Variants in EXOC6B observed in about 807,000 individuals in gnomAD.
The protein encoded by EXOC6B is exocyst complex component 6B.
Under a neutral mutation model 113.5 loss-of-function variants are expected in EXOC6B, and 54 were observed. That is an observed-to-expected ratio of 0.48 (90% CI 0.38 to 0.60). The LOEUF is 0.60. EXOC6B is among the 20% of genes least tolerant of loss of function. EXOC6B has a pLI of 0.00. For missense variants in EXOC6B, 797 were observed against 977.5 expected, an observed-to-expected ratio of 0.82 and a Z score of 2.46; for synonymous variants, 357 against 339.0, an observed-to-expected ratio of 1.05 and a Z score of -0.58.
intron 6 of EXOC6B, among the ~76,000 whole-genome samples, chr2:72,635,367 A>G (rs1347528415): frequency 6.6e-6 from 1 of 152,200 alleles, no homozygotes; most frequent in Non-Finnish European, 1.5e-5. Context: ...GAATGAAACA[A>G]TGGCTATCAC....
At chr2:72,500,481 T>C (rs564323263) in intron 11 of EXOC6B, among the ~76,000 whole-genome samples, 1 of 150,838 alleles carries the variant, frequency 6.6e-6, no homozygotes, top group Non-Finnish European at 1.5e-5. Flanking sequence ...CAGAACCTAA[T>C]GAAATTAAAA....
At chr2:72,622,153 G>T (rs547187716) in intron 6 of EXOC6B, among the ~76,000 whole-genome samples, 9 of 150,132 alleles carry the variant, frequency 6.0e-5, no homozygotes, top group African/African-American at 2.2e-4. Context: ...AATGGGAAAA[G>T]ATTATTTTCA....
chr2:72,232,796 G>C (rs13403438), intron 20 of EXOC6B, among the ~76,000 whole-genome samples: 26,306 of 152,160 alleles, frequency 0.17, 2,478 homozygotes, highest in Non-Finnish European at 0.21. Context: ...ACCCGGGCCA[G>C]GCGCAGTGGC....
chr2:72,815,500 A>G (rs937694428), intron 1 of EXOC6B, among the ~76,000 whole-genome samples: 17 of 152,034 alleles, frequency 1.1e-4, no homozygotes, highest in Non-Finnish European at 2.1e-4. Context: ...TCAAAAAAAA[A>G]AAAAAGAAAA....
In EXOC6B at chr2:72,401,582, C is replaced by CACATAT. The variant is rs1553397955; in HGVS notation, c.1981-21713_1981-21712insATATGT. Among the ~76,000 whole-genome samples, 27 of 18,430 alleles carry CACATAT rather than the reference C, an allele frequency of 1.5e-3. 3 individuals are homozygous for CACATAT. Among genetic ancestry groups the CACATAT allele is most frequent in the Admixed American group, 1.8e-3 (2 of 1,134 alleles). 12.1% of individuals were successfully genotyped at this position (18,430 alleles called of 152,430 possible). A position where few individuals can be genotyped will look rare whatever the true frequency, so the allele number is the denominator to read the frequency against. Reference sequence around the variant, plus strand: ...ATATATATACATATATATATATATACATATATATATATATATATATGTGTA... The same window carrying CACATAT: ...ATATATATACATATATATATATATACACATATATATATATATATATATATATGTGTA... On this transcript the variant is annotated intron_variant, in intron 18 of 21. Coordinates refer to ENST00000272427, the MANE Select transcript of EXOC6B (RefSeq NM_015189.3).
intron 16 of EXOC6B, among the ~76,000 whole-genome samples, chr2:72,488,264 T>C (rs1256769176): frequency 6.6e-6 from 1 of 152,106 alleles, no homozygotes; most frequent in Non-Finnish European, 1.5e-5. Flanking sequence ...CCCAATCTCC[T>C]TTCATGGTTC....
intron 8 of EXOC6B, among the ~76,000 whole-genome samples, chr2:72,543,887 G>A (rs1187921984): frequency 5.9e-5 from 9 of 152,098 alleles, no homozygotes; most frequent in Non-Finnish European, 8.8e-5. Flanking sequence ...TGTCAGAGAC[G>A]GACTAGGAGT....
intron 6 of EXOC6B, among the ~76,000 whole-genome samples, chr2:72,651,560 T>C (rs1339044516): frequency 6.6e-6 from 1 of 152,198 alleles, no homozygotes; most frequent in Non-Finnish European, 1.5e-5. Flanking sequence ...AAAACTGCAA[T>C]TACTTTCACA....
At chr2:72,538,585 G>A (rs1450371566) in intron 8 of EXOC6B, among the ~76,000 whole-genome samples, 1 of 152,010 alleles carries the variant, frequency 6.6e-6, no homozygotes, top group Non-Finnish European at 1.5e-5. Context: ...TATTCATGCT[G>A]CAAGTAATCA....
At chr2:72,692,729 C>A (rs143255001) in intron 6 of EXOC6B, among the ~76,000 whole-genome samples, 39 of 152,312 alleles carry the variant, frequency 2.6e-4, no homozygotes, top group African/African-American at 8.7e-4. Context: ...CCATTTGAAA[C>A]TCTAAGATGG....
intron 2 of EXOC6B, among the ~76,000 whole-genome samples, chr2:72,733,463 A>G (rs1256875794): frequency 6.6e-6 from 1 of 152,182 alleles, no homozygotes; most frequent in African/African-American, 2.4e-5. Flanking sequence ...TTATACAGAT[A>G]TTCCTCATTT....
intron 20 of EXOC6B, among the ~76,000 whole-genome samples, chr2:72,290,885 ATGAAATGTATTTAAT>A (rs1685741864): frequency 6.6e-6 from 1 of 152,124 alleles, no homozygotes. Context: ...ATGGGAAAAG[ATGAAATGTATTTAAT>A]TGAAATGTAT....
chr2:72,800,303 T>C (rs1404120747), intron 1 of EXOC6B, among the ~76,000 whole-genome samples: 3 of 152,156 alleles, frequency 2.0e-5, no homozygotes, highest in Non-Finnish European at 4.4e-5. Context: ...ATAAGCACTA[T>C]TCTTATCACC....
At chr2:72,211,204 TG>T (rs1413776912) in intron 20 of EXOC6B, among the ~76,000 whole-genome samples, 1 of 152,228 alleles carries the variant, frequency 6.6e-6, no homozygotes, top group Admixed American at 6.5e-5. Flanking sequence ...AGTGACGTAC[TG>T]ACAGGTGATC....
chr2:72,799,154 C>T (rs753357358), intron 1 of EXOC6B, among the ~76,000 whole-genome samples: 3 of 146,342 alleles, frequency 2.0e-5, no homozygotes, highest in Non-Finnish European at 4.5e-5. Context: ...GCAGGAGAAT[C>T]GCTTGTGCCC....
intron 20 of EXOC6B, among the ~76,000 whole-genome samples, chr2:72,209,223 C>CA (rs1170760516): frequency 0.016 from 904 of 56,944 alleles, 15 homozygotes; most frequent in South Asian, 0.035. Context: ...AACTCAGTCT[C>CA]AAAAAAAAAA....
intron 20 of EXOC6B, among the ~76,000 whole-genome samples, chr2:72,319,828 A>C (rs560474125): frequency 6.6e-5 from 10 of 151,462 alleles, no homozygotes; most frequent in Non-Finnish European, 1.2e-4. Context: ...ATCCTAATGA[A>C]AATATCAGCA....
At chr2:72,807,349 C>A (rs181690424) in intron 1 of EXOC6B, among the ~76,000 whole-genome samples, 1 of 152,238 alleles carries the variant, frequency 6.6e-6, no homozygotes, top group East Asian at 1.9e-4. Context: ...GACTTTATTT[C>A]TTGGCTCTCT....
At chr2:72,807,892 C>A (rs1685667467) in intron 1 of EXOC6B, among the ~76,000 whole-genome samples, 1 of 151,580 alleles carries the variant, frequency 6.6e-6, no homozygotes, top group Non-Finnish European at 1.5e-5. Context: ...TTTAATAGCA[C>A]AACAGGATGA....
Sources: allele counts gnomAD v4.1 joint callset (sites outside exome capture counted in the v4.1 genomes callset), GRCh38; gene constraint gnomAD v4.1.1; transcripts MANE v1.5; gene names NCBI Gene and HGNC (gene_info 2026-07-23, HGNC 2026-07-21).